Variants in TTC28 observed in about 807,000 individuals in gnomAD.
TTC28 encodes tetratricopeptide repeat protein 28.
Under a neutral mutation model 198.0 loss-of-function variants are expected in TTC28, and 61 were observed. The ratio of observed to expected loss-of-function variants is 0.31; its 90% CI spans 0.25 to 0.38. TTC28 has a LOEUF of 0.38. Ranked by LOEUF, TTC28 falls within the 10% of genes least tolerant of loss-of-function variation. TTC28 has a pLI of 1.00. For missense variants in TTC28, 2,678 were observed against 3,164.0 expected, an observed-to-expected ratio of 0.85 and a Z score of 3.69; for synonymous variants, 1,171 against 1,297.8, an observed-to-expected ratio of 0.90 and a Z score of 2.10.
At chr22:28,341,366 C>T (rs2045825170) in intron 2 of TTC28, among the ~76,000 whole-genome samples, 1 of 152,156 alleles carries the variant, frequency 6.6e-6, no homozygotes, top group Admixed American at 6.5e-5. Context: ...TTATATTATA[C>T]AGACATTTTT....
At chr22:28,466,281 C>A (rs761125106) in intron 2 of TTC28, among the ~76,000 whole-genome samples, 4 of 152,164 alleles carry the variant, frequency 2.6e-5, no homozygotes, top group Non-Finnish European at 5.9e-5. Flanking sequence ...CCAGAAAATA[C>A]AGGATCATCC....
intron 2 of TTC28, among the ~76,000 whole-genome samples, chr22:28,621,758 A>G (rs1284739502): frequency 6.0e-5 from 9 of 149,582 alleles, no homozygotes; most frequent in East Asian, 1.9e-4. Context: ...AAAAAAAAAA[A>G]AAAAGAAAGA....
intron 1 of TTC28, among the ~76,000 whole-genome samples, chr22:28,670,501 T>TG (rs1489686809): frequency 6.6e-6 from 1 of 152,180 alleles, no homozygotes; most frequent in Non-Finnish European, 1.5e-5. Flanking sequence ...TGTTGTATCA[T>TG]GCCTCAGTAC....
At chr22:28,584,602 T>C (rs1252844821) in intron 2 of TTC28, among the ~76,000 whole-genome samples, 2 of 152,238 alleles carry the variant, frequency 1.3e-5, no homozygotes, top group African/African-American at 4.8e-5. Context: ...AGAGACTGTT[T>C]TTTAATATTG....
chr22:28,243,208 A>AAAAAAAAAAAAAAAAAAAAC (rs1569217602), intron 5 of TTC28, among the ~76,000 whole-genome samples: 2 of 120,788 alleles, frequency 1.7e-5, no homozygotes, highest in African/African-American at 5.9e-5. Flanking sequence ...AAAAAAAAAA[A>AAAAAAAAAAAAAAAAAAAAC]AAAAACTAGC....
At chr22:28,401,794 A>T (rs2046912864) in intron 2 of TTC28, among the ~76,000 whole-genome samples, 2 of 152,192 alleles carry the variant, frequency 1.3e-5, no homozygotes, top group Non-Finnish European at 2.9e-5. Context: ...TTAAATAGAA[A>T]AATTAAAAAT....
chr22:28,346,165 T>C (rs960812083), intron 2 of TTC28, among the ~76,000 whole-genome samples: 1 of 152,184 alleles, frequency 6.6e-6, no homozygotes, highest in African/African-American at 2.4e-5. Flanking sequence ...GGTAAATAAA[T>C]TGCCCAAGGC....
At chr22:28,316,427 T>G (rs573829984) in intron 2 of TTC28, among the ~76,000 whole-genome samples, 1 of 152,322 alleles carries the variant, frequency 6.6e-6, no homozygotes, top group Non-Finnish European at 1.5e-5. Context: ...TATTTTAGTT[T>G]CTTTGCTTTT....
intron 1 of TTC28, among the ~76,000 whole-genome samples, chr22:28,659,570 C>T (rs938987508): frequency 6.6e-6 from 1 of 152,012 alleles, no homozygotes; most frequent in African/African-American, 2.4e-5. Flanking sequence ...TTATTAATAA[C>T]TACATTTCTA....
chr22:28,530,010 G>C (rs1206040545), intron 2 of TTC28, among the ~76,000 whole-genome samples: 1 of 152,214 alleles, frequency 6.6e-6, no homozygotes, highest in East Asian at 1.9e-4. Context: ...CTCCTCCAAA[G>C]GAACGAAGCT....
intron 5 of TTC28, among the ~76,000 whole-genome samples, chr22:28,274,096 G>A (rs2145715379): frequency 6.6e-6 from 1 of 152,238 alleles, no homozygotes; most frequent in Admixed American, 6.5e-5. Flanking sequence ...TCAAAAATAG[G>A]AAATACTAGC....
rs1473754543 is a variant in TTC28, at chr22:28,679,801, T to C, written c.-78A>G. On this transcript the variant is annotated 5_prime_UTR_variant, in exon 1 of 23. It removes an upstream start codon present in the reference 5' UTR. Transcript: ENST00000397906. Reference sequence around the variant, plus strand: ...GCGCGCGCGCCGGTTCCGCGCGCCATGTTCCCGCCGTGCTGCGCGCCGCCG... The same window carrying C: ...GCGCGCGCGCCGGTTCCGCGCGCCACGTTCCCGCCGTGCTGCGCGCCGCCG... 5.4e-6 allele frequency: 4 copies of C among 745,214 alleles called. No individual in the cohort carries two copies. In the Admixed American group the frequency reaches 1.5e-4, roughly 29 times the overall value. 46.2% of individuals were successfully genotyped at this position (745,214 alleles called of 1,614,324 possible). A position where few individuals can be genotyped will look rare whatever the true frequency, so the allele number is the denominator to read the frequency against.
intron 2 of TTC28, among the ~76,000 whole-genome samples, chr22:28,551,536 C>T (rs2049671521): frequency 6.6e-6 from 1 of 152,072 alleles, no homozygotes; most frequent in Non-Finnish European, 1.5e-5. Flanking sequence ...TCCACCATGA[C>T]CAAGTGGTTT....
At chr22:28,207,127 A>G (rs1236113389) in intron 5 of TTC28, among the ~76,000 whole-genome samples, 1 of 151,844 alleles carries the variant, frequency 6.6e-6, no homozygotes, top group Non-Finnish European at 1.5e-5. Flanking sequence ...AATTGAATAT[A>G]GTACCCTTAA....
At chr22:28,288,721 G>A (rs537564250) in intron 5 of TTC28, among the ~76,000 whole-genome samples, 4 of 151,518 alleles carry the variant, frequency 2.6e-5, no homozygotes, top group South Asian at 2.1e-4. Flanking sequence ...ACTGAGGCAG[G>A]AGAGTGGCTT....
In TTC28 at chr22:28,548,738, T is replaced by C. The variant is rs1023063088; in HGVS notation, c.381+80814A>G. 3.9e-5 allele frequency among the ~76,000 whole-genome samples: 6 copies of C among 152,310 alleles called. No individual in the cohort carries two copies. The South Asian group carries it at 6.2e-4, about 16-fold the overall frequency. ...CTAAACACCACCTATCAATCCAGCA[T>C]TATTATAGTTTAAAGTTTTACAAGA... On this transcript the variant is annotated intron_variant, in intron 2 of 22. Coordinates refer to ENST00000397906, the MANE Select transcript of TTC28 (RefSeq NM_001145418.2).
chr22:28,343,752 C>G (rs1007887135), intron 2 of TTC28, among the ~76,000 whole-genome samples: 1 of 152,180 alleles, frequency 6.6e-6, no homozygotes, highest in African/African-American at 2.4e-5. Flanking sequence ...TGAGTACGTT[C>G]TGCCTACCAG....
chr22:28,228,791 A>C (rs1021238492), intron 5 of TTC28, among the ~76,000 whole-genome samples: 1 of 152,194 alleles, frequency 6.6e-6, no homozygotes, highest in Admixed American at 6.5e-5. Context: ...AGATCCTTTT[A>C]TTGGTAGGAA....
At chr22:28,271,577 G>C (rs1371912688) in intron 5 of TTC28, among the ~76,000 whole-genome samples, 1 of 152,054 alleles carries the variant, frequency 6.6e-6, no homozygotes. Context: ...TCCCCACACT[G>C]TTCTTGTGAT....
Sources: gnomAD v4.1 joint callset for allele counts (sites outside exome capture counted in the v4.1 genomes callset) on GRCh38, gnomAD v4.1.1 for gene constraint, MANE v1.5 for transcripts, NCBI Gene and HGNC (gene_info 2026-07-23, HGNC 2026-07-21) for gene names.